Variants in POLR2C observed in about 807,000 individuals in gnomAD.
The protein encoded by POLR2C is RNA polymerase II subunit C.
POLR2C carries 36 observed loss-of-function variants against 41.7 expected under a neutral mutation model. The observed-to-expected ratio is 0.86, with a 90% CI of 0.66 to 1.14. The LOEUF is 1.14. POLR2C is among the 50% of genes most tolerant of loss of function. The pLI is 0.00. For synonymous variants in POLR2C, 133 were observed against 137.8 expected (o/e 0.96, Z 0.25); for missense variants, 260 against 350.4 (o/e 0.74, Z 2.06).
intron 2 of POLR2C, among the ~76,000 whole-genome samples, chr16:57,464,665 C>G (rs2030660070): frequency 8.6e-6 from 1 of 115,842 alleles, no homozygotes; most frequent in Non-Finnish European, 1.8e-5. Context: ...CACCACCCCA[C>G]CCCCCCGCCC....
Position 57,471,230 on chromosome 16 carries a change from C to T in POLR2C, c.*111C>T. On this transcript the variant is annotated 3_prime_UTR_variant, in exon 9 of 9. Transcript: ENST00000219252. The stretch of plus-strand genomic sequence containing the variant: ...AGAATCTAGTCTACTGTTGGTTGAG[C>T]TTCTTGGCAGGACATCAGTACCAAC... The T allele has an allele frequency of 1.1e-6, 1 of 942,314 alleles. No homozygotes were observed. The highest frequency in any genetic ancestry group is 1.6e-5 in the African/African-American group (1 of 61,628). The allele number at this position is 942,314 out of a possible 1,614,324, so 58.4% of individuals were successfully genotyped here. A position where few individuals can be genotyped will look rare whatever the true frequency, so the allele number is the denominator to read the frequency against.
chr16:57,470,167 T>C, intron 7 of POLR2C, 38 bp downstream of exon 7: 1 of 1,602,706 alleles, frequency 6.2e-7, no homozygotes, highest in East Asian at 2.2e-5. Context: ...GCATTTGGGG[T>C]GGGTGTGGCA....
chr16:57,469,926 C>T lies in POLR2C; in HGVS notation c.440-35C>T. On this transcript the variant is annotated intron_variant, in intron 6 of 8. Coordinates refer to ENST00000219252, the MANE Select transcript of POLR2C (RefSeq NM_032940.3). This position sits in a 1 kb window ranked among gnomAD's most constrained non-coding sequence, Gnocchi z 5.8. Reference sequence around the variant, plus strand: ...TCAGAATTTGGAGAAGCATGTCTCTCCTGGCCCTTGACTGACTTGTGCCTC... The same window carrying T: ...TCAGAATTTGGAGAAGCATGTCTCTTCTGGCCCTTGACTGACTTGTGCCTC... 1 of 1,608,380 alleles carries T rather than the reference C, an allele frequency of 6.2e-7. No individual in the cohort carries two copies. The highest frequency in any genetic ancestry group is 8.5e-7 in the Non-Finnish European group (1 of 1,177,362).
At chr16:57,468,204 A>T (rs2030752717) in intron 4 of POLR2C, among the ~76,000 whole-genome samples, 1 of 152,170 alleles carries the variant, frequency 6.6e-6, no homozygotes, top group African/African-American at 2.4e-5. Flanking sequence ...TTTTTTGTAG[A>T]GACAGTCTTG....
intron 1 of POLR2C, 33 bp downstream of exon 1, chr16:57,462,843 T>G (rs1207089543): frequency 1.6e-6 from 2 of 1,233,788 alleles, no homozygotes; most frequent in Admixed American, 2.4e-5. Context: ...CTGGCGGCTC[T>G]GGGGCGCCGG....
chr16:57,463,637 C>G (rs951923338), intron 2 of POLR2C: 2 of 454,822 alleles, frequency 4.4e-6, no homozygotes, highest in Non-Finnish European at 8.8e-6. Context: ...GTTTTCTGTT[C>G]CTGTGTTAAT....
chr16:57,469,942 C>T lies in POLR2C; in HGVS notation c.440-19C>T. On this transcript the variant is annotated intron_variant, in intron 6 of 8. Coordinates refer to ENST00000219252, the MANE Select transcript of POLR2C (RefSeq NM_032940.3). This position sits in a 1 kb window ranked among gnomAD's most constrained non-coding sequence, Gnocchi z 5.8. ...CATGTCTCTCCTGGCCCTTGACTGA[C>T]TTGTGCCTCTCCCTGCAGACATCCT... The T allele has an allele frequency of 6.2e-7, 1 of 1,610,126 alleles. No individual in the cohort carries two copies. The highest frequency in any genetic ancestry group is 8.5e-7 in the Non-Finnish European group (1 of 1,178,824).
At chr16:57,464,723 C>G (rs1377521017) in intron 2 of POLR2C, among the ~76,000 whole-genome samples, 2 of 148,178 alleles carry the variant, frequency 1.3e-5, no homozygotes, top group East Asian at 2.0e-4. Flanking sequence ...CTCCCCCTGC[C>G]TAAGCACTTC....
At chr16:57,463,276 G>A (rs568241344) in intron 2 of POLR2C, 198 bp downstream of exon 2, 2 of 625,144 alleles carry the variant, frequency 3.2e-6, no homozygotes, top group African/African-American at 3.6e-5. Flanking sequence ...GGCCACTTAG[G>A]TCCACCCTTG....
At chr16:57,463,288 C>T (rs2030626521) in intron 2 of POLR2C, 2 of 619,862 alleles carry the variant, frequency 3.2e-6, no homozygotes, top group South Asian at 3.8e-5. Flanking sequence ...CCACCCTTGT[C>T]CTGGGTATGC....
rs766171932 is a variant in POLR2C, at chr16:57,469,927, C to T, written c.440-34C>T. On this transcript the variant is annotated intron_variant, in intron 6 of 8. Coordinates refer to ENST00000219252, the MANE Select transcript of POLR2C (RefSeq NM_032940.3). This position sits in a 1 kb window ranked among gnomAD's most constrained non-coding sequence, Gnocchi z 5.8. ...CAGAATTTGGAGAAGCATGTCTCTC[C>T]TGGCCCTTGACTGACTTGTGCCTCT... 1.2e-6 allele frequency: 2 copies of T among 1,608,386 alleles called. No homozygotes were observed. Among genetic ancestry groups the T allele is most frequent in the Non-Finnish European group, 8.5e-7 (1 of 1,177,402 alleles).
In POLR2C at chr16:57,466,223, C is replaced by G; in HGVS notation, c.254C>G (p.Ser85Cys). The G allele has an allele frequency of 6.3e-7, 1 of 1,586,564 alleles. No homozygotes were observed. Among genetic ancestry groups the G allele is most frequent in the Non-Finnish European group, 8.6e-7 (1 of 1,165,892 alleles). ...SDDIVDKLQYSRDCTCEEFCP... is the reference protein window; with the variant it reads ...SDDIVDKLQYCRDCTCEEFCP... Reference sequence around the variant, plus strand: ...GACATTGTGGACAAGCTGCAGTACTCTCGGGTATGTTGTGTGATTGGGTGG... The same window carrying G: ...GACATTGTGGACAAGCTGCAGTACTGTCGGGTATGTTGTGTGATTGGGTGG... The change falls in exon 4 of 9, where the codon TCT becomes TGT. Residue 85 changes from serine to cysteine, a missense_variant. By Grantham distance (112) the Ser-to-Cys change is moderately radical. Transcript: ENST00000219252.
rs984446707 is a variant in POLR2C, at chr16:57,469,530, C to T, written c.388-180C>T. 2.7e-6 allele frequency: 2 copies of T among 735,094 alleles called. No individual in the cohort carries two copies. The highest frequency in any genetic ancestry group is 2.3e-4 in the Middle Eastern group (1 of 4,256). 45.5% of individuals were successfully genotyped at this position (735,094 alleles called of 1,614,324 possible). The stretch of plus-strand genomic sequence containing the variant: ...TTTAAAGGCCATGGAATTGTTTTGC[C>T]TGAGGCTACCACCACACCCTGAAGT... On this transcript the variant is annotated intron_variant, in intron 5 of 8. Coordinates refer to ENST00000219252, the MANE Select transcript of POLR2C (RefSeq NM_032940.3). This position sits in a 1 kb window ranked among gnomAD's most constrained non-coding sequence, Gnocchi z 5.8.
At chr16:57,465,916 A>C (rs1598043265) in intron 2 of POLR2C, 37 bp from the exon 3 acceptor site, 1 of 1,357,684 alleles carries the variant, frequency 7.4e-7, no homozygotes, top group African/African-American at 1.4e-5. Context: ...GGTAAATTTG[A>C]TGGCTAAACT....
rs1195728925 is a variant in POLR2C at position 57,470,982 on chromosome 16, T to C, written c.691T>C (p.Tyr231His). The change falls in exon 9 of 9, where the codon TAC (tyrosine) becomes CAC (histidine). Residue 231 changes from tyrosine (Y) to histidine (H), a missense_variant. By Grantham distance (83) the Tyr-to-His change is moderately conservative. Coordinates refer to ENST00000219252, the MANE Select transcript of POLR2C (RefSeq NM_032940.3). ...TGGACTCTTGCCTCCTAGGTTTTAC[T>C]ACAATGTGGAGTCCTGTGGCTCTCT... ...DPNGKPERFY[Y>H]NVESCGSLRP... is the part of the protein sequence containing the mutation. The C allele has an allele frequency of 3.1e-6, 5 of 1,614,044 alleles. No homozygotes were observed. The highest frequency in any genetic ancestry group is 4.2e-6 in the Non-Finnish European group (5 of 1,179,990).
chr16:57,463,167 G>C (rs1249353106), intron 2 of POLR2C, 89 bp downstream of exon 2: 19 of 1,066,726 alleles, frequency 1.8e-5, no homozygotes, highest in Non-Finnish European at 2.8e-5. Context: ...TCCAGTCCTT[G>C]GTTCGGGCTG....
chr16:57,463,029 G>A lies in POLR2C; in HGVS notation c.87G>A (p.Ala29=). 6.2e-7 allele frequency: 1 copy of A among 1,613,574 alleles called. No homozygotes were observed. Among genetic ancestry groups the A allele is most frequent in the Non-Finnish European group, 8.5e-7 (1 of 1,179,462 alleles). Residue 29 remains alanine (A), a splice_region_variant and synonymous_variant, in exon 2 of 9, where the codon GCG becomes GCA. Coordinates refer to ENST00000219252, the MANE Select transcript of POLR2C (RefSeq NM_032940.3). The part of the protein sequence containing the change: ...VKFIIENTDL[A]VANSIRRVFI... ...CGCCCCTTGGCTTTTGATCTTTCAG[G>A]GTGGCCAATTCGATTCGGAGGGTCT...
Position 57,469,269 on chromosome 16 carries a change from C to A in POLR2C, c.363C>A (p.Ile121=). ...QTRHVTSRDL[I]SNSPRVIPVT... ...GACATGTCACGTCTCGAGACCTCATCTCCAACAGCCCCCGGGTCATTCCGG... is the reference window on the plus strand; with the variant it reads ...GACATGTCACGTCTCGAGACCTCATATCCAACAGCCCCCGGGTCATTCCGG... The change falls in exon 5 of 9, where the codon ATC becomes ATA. Residue 121 remains isoleucine, a synonymous_variant. Coordinates refer to ENST00000219252, the MANE Select transcript of POLR2C (RefSeq NM_032940.3). The surrounding 1 kb of genome is among the most constrained non-coding windows in gnomAD (Gnocchi z 5.8). 6.2e-7 allele frequency: 1 copy of A among 1,614,236 alleles called. No individual in the cohort carries two copies. Among genetic ancestry groups the A allele is most frequent in the Non-Finnish European group, 8.5e-7 (1 of 1,180,020 alleles).
Position 57,471,014 on chromosome 16 carries a change from T to C in POLR2C, c.723T>C (p.Pro241=), listed in dbSNP as rs2030822587. 2 of 1,613,834 alleles carry C rather than the reference T, an allele frequency of 1.2e-6. No homozygotes were observed. The change falls in exon 9 of 9, where the codon CCT becomes CCC. Residue 241 remains proline, a synonymous_variant. Transcript: ENST00000219252. ...YNVESCGSLR[P]ETIVLSALSG... Reference sequence around the variant, plus strand: ...TGGAGTCCTGTGGCTCTCTGCGTCCTGAAACCATTGTCCTGTCAGCCCTCT... The same window carrying C: ...TGGAGTCCTGTGGCTCTCTGCGTCCCGAAACCATTGTCCTGTCAGCCCTCT...
Sources: allele counts gnomAD v4.1 joint callset (sites outside exome capture counted in the v4.1 genomes callset), GRCh38; gene constraint gnomAD v4.1.1; non-coding constraint Gnocchi (gnomAD v3.1); transcripts MANE v1.5; gene names NCBI Gene and HGNC (gene_info 2026-07-23, HGNC 2026-07-21).